The following FAT1 variants were observed in gnomAD, a reference collection of about 807,000 sequenced individuals.
The protein encoded by FAT1 is FAT atypical cadherin 1, also known as protocadherin Fat 1.
Under a neutral mutation model 329.8 loss-of-function variants are expected in FAT1, and 171 were observed. That is an observed-to-expected ratio of 0.52 (90% confidence interval 0.46 to 0.59). FAT1 has a LOEUF of 0.59. FAT1 is among the 20% of genes least tolerant of loss of function. FAT1 has a pLI of 0.00. For missense variants in FAT1, 5,672 were observed against 5,774.4 expected, an observed-to-expected ratio of 0.98 and a Z score of 0.57; for synonymous variants, 2,233 against 2,228.6, an observed-to-expected ratio of 1.00 and a Z score of -0.06.
intron 7 of FAT1, among the ~76,000 whole-genome samples, chr4:186,633,309 A>G (rs2126554970): frequency 6.6e-6 from 1 of 152,336 alleles, no homozygotes; most frequent in South Asian, 2.1e-4. Context: ...AAAGTGATTT[A>G]GAAGATTAAT....
Position 186,589,045 on chromosome 4 carries a change from G to A in FAT1, c.13314C>T (p.Pro4438=), listed in dbSNP as rs375324376. ...CATCAGCTGCGGGGAAGTCTTCTGG[G>A]GGTGGAGGAAAATCACTTTCGATGT... ...GYDIESDFPP[P]PEDFPAADEL... Residue 4438 remains proline, a synonymous_variant, in exon 27 of 27, where the codon CCC becomes CCT. Coordinates refer to ENST00000441802, the MANE Select transcript of FAT1 (RefSeq NM_005245.4). 26 of 1,613,842 alleles carry A rather than the reference G, an allele frequency of 1.6e-5. No individual in the cohort carries two copies. The highest frequency in any genetic ancestry group is 3.3e-4 in the Middle Eastern group (2 of 6,084).
chr4:186,617,657 T>C (rs2126486854), intron 10 of FAT1, 51 bp downstream of exon 10: 1 of 1,439,926 alleles, frequency 6.9e-7, no homozygotes, highest in Non-Finnish European at 9.4e-7. Context: ...ACTTTATGCT[T>C]CTAAAAATCA....
At chr4:186,705,126 G>A (rs1160698700) in intron 2 of FAT1, among the ~76,000 whole-genome samples, 1 of 85,388 alleles carries the variant, frequency 1.2e-5, no homozygotes, top group Non-Finnish European at 2.4e-5. Context: ...TTTTTTTTTT[G>A]GTAGGAACGA....
intron 26 of FAT1, among the ~76,000 whole-genome samples, chr4:186,595,414 TG>T (rs917007082): frequency 6.6e-5 from 10 of 152,156 alleles, no homozygotes; most frequent in African/African-American, 2.4e-4. Flanking sequence ...TTAACTGTTG[TG>T]AAAAAAAGCC....
rs34932295 is a variant in FAT1, at chr4:186,695,760, AACACACACACACAC to A, written c.3265+10789_3265+10802del. On this transcript the variant is annotated intron_variant, in intron 2 of 26. Coordinates refer to ENST00000441802, the MANE Select transcript of FAT1 (RefSeq NM_005245.4). Reference sequence around the variant, plus strand: ...AATTTTTAATATGTATTATATATAAAACACACACACACACACACACACACACACACACACACACA... The same window carrying A: ...AATTTTTAATATGTATTATATATAAAACACACACACACACACACACACACA... 4.7e-3 allele frequency among the ~76,000 whole-genome samples: 660 copies of A among 141,334 alleles called. 5 individuals carry two copies. The highest frequency in any genetic ancestry group is 0.016 in the African/African-American group (587 of 37,758). The allele number at this position is 141,334 out of a possible 152,430, so 92.7% of individuals were successfully genotyped here.
intron 2 of FAT1, among the ~76,000 whole-genome samples, chr4:186,687,859 T>C (rs931517556): frequency 2.0e-5 from 3 of 152,112 alleles, no homozygotes; most frequent in Non-Finnish European, 2.9e-5. Flanking sequence ...CAGTAAATGT[T>C]TTCTGTTCAT....
In FAT1 at chr4:186,594,215, A is replaced by G. The variant is rs111744944; in HGVS notation, c.13138+1474T>C. ...CCAGTAGCTGGGAGTACAGGTGCCCACCACCACGCCCGGCTGATTTTTTTT... is the reference window on the plus strand; with the variant it reads ...CCAGTAGCTGGGAGTACAGGTGCCCGCCACCACGCCCGGCTGATTTTTTTT... On this transcript the variant is annotated intron_variant, in intron 26 of 26. Coordinates refer to ENST00000441802, the MANE Select transcript of FAT1 (RefSeq NM_005245.4). 4.4e-3 allele frequency among the ~76,000 whole-genome samples: 671 copies of G among 151,936 alleles called. 7 individuals are homozygous for G. Among genetic ancestry groups the G allele is most frequent in the African/African-American group, 0.015 (635 of 41,448 alleles).
chr4:186,706,442 A>G (rs1744599359), intron 2 of FAT1, 121 bp downstream of exon 2: 1 of 1,023,858 alleles, frequency 9.8e-7, no homozygotes, highest in Non-Finnish European at 1.4e-6. Context: ...ATTCACACGC[A>G]CTTCTATACC....
At chr4:186,703,590 G>C (rs1744430797) in intron 2 of FAT1, among the ~76,000 whole-genome samples, 2 of 152,238 alleles carry the variant, frequency 1.3e-5, no homozygotes, top group South Asian at 4.1e-4. Context: ...TTGGTCCCCA[G>C]AGCCACAGCA....
chr4:186,722,102 G>A (rs893446084), intron 1 of FAT1, among the ~76,000 whole-genome samples: 3 of 152,142 alleles, frequency 2.0e-5, no homozygotes, highest in Non-Finnish European at 4.4e-5. Flanking sequence ...CCTCCCATAG[G>A]GCTGGGTTTA....
rs2126523239 is a variant in FAT1, at chr4:186,621,216, G to A, written c.5370C>T (p.Val1790=). ...INSVVLTDRN[V]PLVIRAADAD... ...CATCAGCTGCTCGAATCACCAGTGGGACATTCCTGTCTGTTAGGACCACGC... is the reference window on the plus strand; with the variant it reads ...CATCAGCTGCTCGAATCACCAGTGGAACATTCCTGTCTGTTAGGACCACGC... Residue 1790 remains valine, a synonymous_variant, in exon 10 of 27, where the codon GTC becomes GTT. Coordinates refer to ENST00000441802, the MANE Select transcript of FAT1 (RefSeq NM_005245.4). The A allele has an allele frequency of 6.2e-7, 1 of 1,614,000 alleles. No homozygotes were observed. Among genetic ancestry groups the A allele is most frequent in the Non-Finnish European group, 8.5e-7 (1 of 1,179,894 alleles).
At chr4:186,718,948 G>C (rs1745340574) in intron 1 of FAT1, among the ~76,000 whole-genome samples, 1 of 151,950 alleles carries the variant, frequency 6.6e-6, no homozygotes, top group Admixed American at 6.6e-5. Flanking sequence ...TGACACCTTT[G>C]ACACCACTCA....
At chr4:186,644,951 CAA>C (rs1473370785) in intron 3 of FAT1, among the ~76,000 whole-genome samples, 1 of 152,142 alleles carries the variant, frequency 6.6e-6, no homozygotes, top group Non-Finnish European at 1.5e-5. Context: ...TAGAAGTTGG[CAA>C]AGACTACTTT....
intron 3 of FAT1, among the ~76,000 whole-genome samples, chr4:186,641,405 C>A (rs1013126078): frequency 2.0e-5 from 3 of 151,854 alleles, no homozygotes; most frequent in Admixed American, 6.5e-5. Flanking sequence ...TTTTTTTCCC[C>A]AATCAAAAAT....
At chr4:186,667,412 C>T (rs1180625522) in intron 2 of FAT1, among the ~76,000 whole-genome samples, 1 of 152,182 alleles carries the variant, frequency 6.6e-6, no homozygotes, top group East Asian at 1.9e-4. Flanking sequence ...GTGTAATTCG[C>T]AATTAAAATA....
At chr4:186,657,422 C>T (rs762318755) in intron 3 of FAT1, among the ~76,000 whole-genome samples, 56 of 152,136 alleles carry the variant, frequency 3.7e-4, no homozygotes, top group Middle Eastern at 6.8e-3. Context: ...AGATAAAATT[C>T]CAGGAAATGC....
intron 3 of FAT1, among the ~76,000 whole-genome samples, chr4:186,647,702 T>G (rs914329618): frequency 1.3e-5 from 2 of 152,174 alleles, no homozygotes; most frequent in Non-Finnish European, 2.9e-5. Flanking sequence ...TTTCACCCGA[T>G]GATGTCTCTG....
intron 6 of FAT1, among the ~76,000 whole-genome samples, chr4:186,634,761 G>A (rs1338777130): frequency 6.6e-6 from 1 of 152,240 alleles, no homozygotes; most frequent in Non-Finnish European, 1.5e-5. Context: ...CGGGTCACAA[G>A]TCATCTGAAA....
At chr4:186,693,987 A>C (rs1743913756) in intron 2 of FAT1, among the ~76,000 whole-genome samples, 1 of 151,068 alleles carries the variant, frequency 6.6e-6, no homozygotes, top group South Asian at 2.1e-4. Flanking sequence ...CCTCTCCCAA[A>C]CTCAACCTGC....
Sources: allele counts gnomAD v4.1 joint callset (sites outside exome capture counted in the v4.1 genomes callset), GRCh38; gene constraint gnomAD v4.1.1; transcripts MANE v1.5; gene names NCBI Gene and HGNC (gene_info 2026-07-23, HGNC 2026-07-21).